The following SLC2A14 variants were observed in gnomAD, a reference collection of about 807,000 sequenced individuals.
SLC2A14 encodes solute carrier family 2, facilitated glucose transporter member 14.
SLC2A14 carries 13 observed loss-of-function variants against 43.0 expected under a neutral mutation model. The observed-to-expected ratio is 0.30, with a 90% CI of 0.20 to 0.48. The LOEUF (loss-of-function observed/expected upper bound fraction) is 0.48, where lower values mean the gene tolerates loss of function less well. Among genes scored for constraint, SLC2A14 ranks in the 20% least tolerant of loss-of-function variants. The probability of loss-of-function intolerance (pLI) is 0.99; values close to 1 mark genes in which losing one functional copy is unlikely to be tolerated. For missense variants in SLC2A14, 428 were observed against 620.4 expected (o/e 0.69, Z 3.29); for synonymous variants, 190 against 233.8 (o/e 0.81, Z 1.71).
intron 1 of SLC2A14, among the ~76,000 whole-genome samples, chr12:7,882,201 A>T (rs1200992797): frequency 2.0e-5 from 3 of 151,990 alleles, no homozygotes; most frequent in Admixed American, 6.6e-5. Context: ...TTTACTTTTG[A>T]AGCCGGTAAG....
At chr12:7,829,723 C>A (rs1431953246) in intron 5 of SLC2A14, 43 bp downstream of exon 5, 1 of 1,605,762 alleles carries the variant, frequency 6.2e-7, no homozygotes, top group Non-Finnish European at 8.5e-7. Context: ...TTTTAATGAC[C>A]CATGAAACTA....
intron 2 of SLC2A14, among the ~76,000 whole-genome samples, chr12:7,857,362 G>T (rs1054923423): frequency 7.9e-5 from 12 of 152,160 alleles, no homozygotes; most frequent in African/African-American, 2.9e-4. Flanking sequence ...GCCAAGGTGG[G>T]TGGATGACTT....
intron 1 of SLC2A14, among the ~76,000 whole-genome samples, chr12:7,886,132 TACCACCACGCCCGG>T (rs1945683999): frequency 7.2e-6 from 1 of 137,944 alleles, no homozygotes; most frequent in Non-Finnish European, 1.5e-5. Flanking sequence ...TACAGGCATG[TACCACCACGCCCGG>T]ACAGCTTTTT....
chr12:7,830,079 T>C (rs896243786), intron 4 of SLC2A14, 73 bp from the exon 5 acceptor site: 69 of 1,581,436 alleles, frequency 4.4e-5, no homozygotes, highest in Non-Finnish European at 5.8e-5. Flanking sequence ...TCTGTACTCA[T>C]TATTCTGCTC....
intron 2 of SLC2A14, among the ~76,000 whole-genome samples, chr12:7,834,563 C>CA (rs34192898): frequency 6.6e-4 from 80 of 121,366 alleles, no homozygotes; most frequent in Admixed American, 1.8e-3. Flanking sequence ...CCTTCTCTAT[C>CA]AAAAAAAAAA....
At chr12:7,840,107 G>A (rs1865816543) in intron 2 of SLC2A14, among the ~76,000 whole-genome samples, 1 of 90,514 alleles carries the variant, frequency 1.1e-5, no homozygotes, top group African/African-American at 5.8e-5. Flanking sequence ...GCCAGACCCT[G>A]TCTCAAAAAA....
At chr12:7,871,332 T>C in intron 1 of SLC2A14, 2 of 932,294 alleles carry the variant, frequency 2.1e-6, no homozygotes, top group Non-Finnish European at 2.8e-6. Context: ...TAGGTGGAGT[T>C]CACCTGCATC....
intron 1 of SLC2A14, 32 bp downstream of exon 1, chr12:7,872,752 GCTCAGGTCCTCATTCCCGCACCC>G: frequency 4.1e-6 from 4 of 984,536 alleles, no homozygotes; most frequent in Non-Finnish European, 4.8e-6. Flanking sequence ...CTCTACCCCA[GCTCAGGTCCTCATTCCCGCACCC>G]CCCGGCCGCA....
intron 7 of SLC2A14, 80 bp from the exon 8 acceptor site, chr12:7,821,405 G>T: frequency 7.7e-7 from 1 of 1,296,704 alleles, no homozygotes; most frequent in East Asian, 2.4e-5. Flanking sequence ...ACTTAAGGCT[G>T]AGCGTGGTTG....
intron 9 of SLC2A14, among the ~76,000 whole-genome samples, 155 bp downstream of exon 9, chr12:7,819,327 T>A (rs7977066): frequency 6.6e-6 from 1 of 152,216 alleles, no homozygotes; most frequent in Non-Finnish European, 1.5e-5. Flanking sequence ...AGTTCTCTGA[T>A]GACCCATGTT....
intron 2 of SLC2A14, among the ~76,000 whole-genome samples, chr12:7,847,332 G>C (rs537424220): frequency 6.6e-6 from 1 of 152,024 alleles, no homozygotes; most frequent in Non-Finnish European, 1.5e-5. Context: ...TACCAATTAT[G>C]AATTTCTTTG....
At chr12:7,871,327 G>T in intron 1 of SLC2A14, 1 of 977,270 alleles carries the variant, frequency 1.0e-6, no homozygotes, top group Non-Finnish European at 1.3e-6. Context: ...TCAACTAGGT[G>T]GAGTTCACCT....
rs35414391 is a variant in SLC2A14 at position 7,853,429 on chromosome 12, C to CAAA, written c.18+16431_18+16433dup. Among the ~76,000 whole-genome samples, 811 of 84,562 alleles carry CAAA rather than the reference C, an allele frequency of 9.6e-3. 27 individuals are homozygous for CAAA. The highest frequency in any genetic ancestry group is 0.038 in the African/African-American group (755 of 19,992). The allele number at this position is 84,562 out of a possible 152,430, so 55.5% of individuals were successfully genotyped here. On this transcript the variant is annotated intron_variant, in intron 2 of 10. Coordinates refer to ENST00000431042, the MANE Select transcript of SLC2A14 (RefSeq NM_001286234.2). ...AGAGCAACAGAGAGAGACTCCATTTCAAAAAAAAAAAAAAAAAAAAAAATT... is the reference window on the plus strand; with the variant it reads ...AGAGCAACAGAGAGAGACTCCATTTCAAAAAAAAAAAAAAAAAAAAAAAAAATT...
At chr12:7,831,993 A>G (rs1374200401) in intron 3 of SLC2A14, among the ~76,000 whole-genome samples, 1 of 152,210 alleles carries the variant, frequency 6.6e-6, no homozygotes, top group African/African-American at 2.4e-5. Flanking sequence ...CTGTAATCCC[A>G]GCTACTCGGG....
At chr12:7,874,597 G>A (rs778762807), upstream of SLC2A14, among the ~76,000 whole-genome samples, 25 of 150,518 alleles carry the variant, frequency 1.7e-4, no homozygotes, top group Middle Eastern at 6.9e-3. Flanking sequence ...GCTTGAACCC[G>A]GGAGGTGGAG....
chr12:7,883,014 T>G lies in SLC2A14; in HGVS notation c.132+7982A>C, dbSNP rs985177266. ...TCACAAGGTCAGGAGTTCAAGACCATCCTGGCCAACATGGTGAAACCCTGT... is the reference window on the plus strand; with the variant it reads ...TCACAAGGTCAGGAGTTCAAGACCAGCCTGGCCAACATGGTGAAACCCTGT... On this transcript the variant is annotated intron_variant, in intron 1 of 9. Coordinates refer to the SLC2A14 transcript ENST00000539924. Among the ~76,000 whole-genome samples, 53 of 151,698 alleles carry G rather than the reference T, an allele frequency of 3.5e-4. 1 individual carries two copies. The highest frequency in any genetic ancestry group is 5.9e-4 in the Non-Finnish European group (40 of 67,888).
chr12:7,852,261 G>GTA (rs1866994705), intron 2 of SLC2A14, among the ~76,000 whole-genome samples: 1 of 152,058 alleles, frequency 6.6e-6, no homozygotes, highest in Admixed American at 6.6e-5. Context: ...TTAAATAACA[G>GTA]TATATGAACA....
At chr12:7,891,071 A>T (rs1360935919) in exon 1 of SLC2A14, 1 of 1,535,052 alleles carries the variant, frequency 6.5e-7, no homozygotes, top group East Asian at 2.4e-5. Context: ...GCCGCATTTC[A>T]TCTCCTTGTT....
At chr12:7,829,620 A>G in intron 5 of SLC2A14, 146 bp downstream of exon 5, 1 of 1,237,248 alleles carries the variant, frequency 8.1e-7, no homozygotes, top group Non-Finnish European at 1.1e-6. Flanking sequence ...TCTCTACTCA[A>G]CCTGCTTCTT....
Sources: gnomAD v4.1 joint callset for allele counts (sites outside exome capture counted in the v4.1 genomes callset) on GRCh38, gnomAD v4.1.1 for gene constraint, MANE v1.5 for transcripts, NCBI Gene and HGNC (gene_info 2026-07-23, HGNC 2026-07-21) for gene names.